The following KCNS3 variants were observed in gnomAD, a reference collection of about 807,000 sequenced individuals.
The protein encoded by KCNS3 is potassium voltage-gated channel modifier subfamily S member 3.
A neutral mutation model predicts 31.0 loss-of-function variants in KCNS3; 13 were observed. The observed-to-expected ratio is 0.42, with a 90% confidence interval of 0.27 to 0.67. The LOEUF is 0.67. KCNS3 is among the 30% of genes least tolerant of loss of function. The pLI is 0.25. For missense variants in KCNS3, 545 were observed against 622.4 expected (o/e 0.88, Z 1.32); for synonymous variants, 238 against 241.5 (o/e 0.99, Z 0.13).
At chr2:17,893,939 AG>A (rs1362772699) in intron 1 of KCNS3, among the ~76,000 whole-genome samples, 3 of 84,640 alleles carry the variant, frequency 3.5e-5, no homozygotes, top group South Asian at 4.3e-4. Flanking sequence ...CCCAGGAGCC[AG>A]TTTTTTTTTT....
At chr2:17,907,901 T>G (rs1006982089) in intron 1 of KCNS3, among the ~76,000 whole-genome samples, 6 of 152,236 alleles carry the variant, frequency 3.9e-5, no homozygotes, top group Non-Finnish European at 5.9e-5. Context: ...CATTTTTTCC[T>G]TCATTTCAAC....
chr2:17,913,216 A>G (rs1019877582), intron 1 of KCNS3, among the ~76,000 whole-genome samples: 7 of 152,244 alleles, frequency 4.6e-5, no homozygotes, highest in Admixed American at 4.6e-4. Flanking sequence ...TATTATTCAT[A>G]TAATTTTATT....
intron 1 of KCNS3, among the ~76,000 whole-genome samples, chr2:17,894,594 A>G (rs1661977892): frequency 6.6e-6 from 1 of 152,224 alleles, no homozygotes; most frequent in South Asian, 2.1e-4. Flanking sequence ...AAACTCACAG[A>G]AACTTTGATT....
At chr2:17,888,643 AT>A (rs1558446992) in intron 1 of KCNS3, among the ~76,000 whole-genome samples, 10 of 117,456 alleles carry the variant, frequency 8.5e-5, no homozygotes, top group African/African-American at 3.4e-4. Context: ...ATATATATAT[AT>A]ATATATATAT....
intron 1 of KCNS3, among the ~76,000 whole-genome samples, chr2:17,886,410 T>A (rs547696291): frequency 6.6e-6 from 1 of 152,352 alleles, no homozygotes; most frequent in African/African-American, 2.4e-5. Context: ...TTCATTATTC[T>A]TGTCTTTGAG....
rs758622857 is a variant in KCNS3, at chr2:17,931,710, C to T, written c.702C>T (p.Thr234=). ...AGATCGCGTGCATTGCCTGGTTCAC[C>T]GGGGAGCTTGCCGTCCGGCTGGCTG... ...GVEIACIAWF[T]GELAVRLAAA... is the part of the protein sequence containing the mutation. The change falls in exon 3 of 3, where the codon ACC becomes ACT. Residue 234 remains threonine, a synonymous_variant. Coordinates refer to ENST00000304101, the MANE Select transcript of KCNS3 (RefSeq NM_002252.5). This position sits in a 1 kb window ranked among gnomAD's most constrained non-coding sequence, Gnocchi z 5.4. The T allele has an allele frequency of 9.9e-6, 16 of 1,613,086 alleles. No homozygotes were observed. The highest frequency in any genetic ancestry group is 1.1e-5 in the Non-Finnish European group (13 of 1,179,710).
At chr2:17,898,209 A>G (rs932730612) in intron 1 of KCNS3, among the ~76,000 whole-genome samples, 7 of 145,700 alleles carry the variant, frequency 4.8e-5, no homozygotes, top group African/African-American at 1.8e-4. Context: ...GTAGCCTTGT[A>G]GTATAGCTTA....
intron 1 of KCNS3, among the ~76,000 whole-genome samples, chr2:17,890,024 G>C (rs1182564691): frequency 6.6e-6 from 1 of 152,082 alleles, no homozygotes; most frequent in East Asian, 1.9e-4. Flanking sequence ...TTGAATGTCT[G>C]GTAGAATTCT....
At chr2:17,889,873 G>A (rs113697414) in intron 1 of KCNS3, among the ~76,000 whole-genome samples, 30,704 of 151,940 alleles carry the variant, frequency 0.2, 3,875 homozygotes, top group Non-Finnish European at 0.29. Context: ...CAAGGATATC[G>A]GTCTGTAGTT....
chr2:17,922,729 T>A (rs1662746087), intron 2 of KCNS3, among the ~76,000 whole-genome samples: 1 of 152,128 alleles, frequency 6.6e-6, no homozygotes, highest in Admixed American at 6.6e-5. Context: ...ATTATGGATA[T>A]TTCATATAAA....
In KCNS3 at chr2:17,932,082, C is replaced by A; in HGVS notation, c.1074C>A (p.Pro358=). The A allele has an allele frequency of 1.2e-6, 2 of 1,614,082 alleles. No individual in the cohort carries two copies. The highest frequency in any genetic ancestry group is 1.7e-6 in the Non-Finnish European group (2 of 1,179,990). Reference sequence around the variant, plus strand: ...ACACATCCAGCCTCACCAGCATCCCCATCTGCTGGTGGTGGGCCACCATCA... The same window carrying A: ...ACACATCCAGCCTCACCAGCATCCCAATCTGCTGGTGGTGGGCCACCATCA... ...DDHTSSLTSI[P]ICWWWATISM... The change falls in exon 3 of 3, where the codon CCC becomes CCA. Residue 358 remains proline, a synonymous_variant. Transcript: ENST00000304101.
At chr2:17,916,938 A>T (rs145789680) in intron 1 of KCNS3, among the ~76,000 whole-genome samples, 69 of 151,978 alleles carry the variant, frequency 4.5e-4, no homozygotes, top group African/African-American at 1.5e-3. Flanking sequence ...ATGGATGCTT[A>T]GAAGCTAGTA....
intron 1 of KCNS3, among the ~76,000 whole-genome samples, chr2:17,896,405 G>A (rs1285083722): frequency 6.6e-6 from 1 of 151,980 alleles, no homozygotes; most frequent in African/African-American, 2.4e-5. Context: ...GGGGCAAAGG[G>A]CATTACAAGT....
At chr2:17,908,480 C>T (rs1662391619) in intron 1 of KCNS3, among the ~76,000 whole-genome samples, 1 of 152,244 alleles carries the variant, frequency 6.6e-6, no homozygotes, top group African/African-American at 2.4e-5. Context: ...ATTCTCCATC[C>T]AGCTTTGTTC....
intron 1 of KCNS3, among the ~76,000 whole-genome samples, chr2:17,884,304 T>TATATATATATATATATATA (rs1174398041): frequency 3.9e-5 from 5 of 129,470 alleles, no homozygotes; most frequent in South Asian, 2.6e-4. Context: ...TATATATATA[T>TATATATATATATATATATA]TTAAAAAGAA....
chr2:17,904,402 T>C (rs1408479994), intron 1 of KCNS3, among the ~76,000 whole-genome samples: 2 of 152,344 alleles, frequency 1.3e-5, no homozygotes, highest in Non-Finnish European at 2.9e-5. Flanking sequence ...TCTCCCATTC[T>C]GTAGGTTGCC....
At chr2:17,912,080 G>T (rs961467840) in intron 1 of KCNS3, among the ~76,000 whole-genome samples, 2 of 152,176 alleles carry the variant, frequency 1.3e-5, no homozygotes, top group African/African-American at 4.8e-5. Flanking sequence ...TCTATTGATG[G>T]ACGTGCAGGC....
At chr2:17,879,742 T>G (rs1223093008) in intron 1 of KCNS3, among the ~76,000 whole-genome samples, 1 of 151,974 alleles carries the variant, frequency 6.6e-6, no homozygotes, top group Non-Finnish European at 1.5e-5. Context: ...TCTTGATGTC[T>G]CCCCCCGGTT....
At chr2:17,913,079 T>C (rs1288932246) in intron 1 of KCNS3, among the ~76,000 whole-genome samples, 1 of 152,238 alleles carries the variant, frequency 6.6e-6, no homozygotes, top group Non-Finnish European at 1.5e-5. Context: ...AGTACATTTT[T>C]TTTCTAGCAC....
Sources: gnomAD v4.1 joint callset for allele counts (sites outside exome capture counted in the v4.1 genomes callset) on GRCh38, gnomAD v4.1.1 for gene constraint, Gnocchi (gnomAD v3.1) non-coding constraint, MANE v1.5 for transcripts, NCBI Gene and HGNC (gene_info 2026-07-23, HGNC 2026-07-21) for gene names.